Variants in GTF2F2 observed in about 807,000 individuals in gnomAD.
GTF2F2 encodes general transcription factor IIF subunit 2, also known as ATP-dependent helicase GTF2F2.
Under a neutral mutation model 42.2 loss-of-function variants are expected in GTF2F2, and 23 were observed. The observed-to-expected ratio is 0.55, with a 90% CI of 0.39 to 0.77. The LOEUF is 0.77. Ranked by LOEUF, GTF2F2 falls within the 30% of genes least tolerant of loss-of-function variation. The pLI is 0.00. For missense variants in GTF2F2, 261 were observed against 287.2 expected (o/e 0.91, Z 0.66); for synonymous variants, 105 against 100.8 (o/e 1.04, Z -0.25).
chr13:45,167,788 C>T lies in GTF2F2; in HGVS notation c.304+15957C>T, dbSNP rs187999246. On this transcript the variant is annotated intron_variant, in intron 4 of 7. Coordinates refer to ENST00000340473, the MANE Select transcript of GTF2F2 (RefSeq NM_004128.3). ...AACTCCTGACCTCAAGTGATCCTCC[C>T]ACCTCAGGCCTCCCAAACCTCCCAA... Among the ~76,000 whole-genome samples, 129 of 152,184 alleles carry T rather than the reference C, an allele frequency of 8.5e-4. 3 individuals carry two copies. The East Asian group carries it at 0.019, about 22-fold the overall frequency.
chr13:45,145,179 C>T (rs1870132636), intron 2 of GTF2F2, among the ~76,000 whole-genome samples: 1 of 152,178 alleles, frequency 6.6e-6, no homozygotes, highest in South Asian at 2.1e-4. Context: ...TTCTTTCATT[C>T]CATCAACTGC....
intron 1 of GTF2F2, among the ~76,000 whole-genome samples, chr13:45,130,246 A>T (rs1359281444): frequency 6.6e-6 from 1 of 152,198 alleles, no homozygotes; most frequent in Non-Finnish European, 1.5e-5. Flanking sequence ...TGATTGTGAG[A>T]CTTTGGGCAA....
At chr13:45,242,464 C>G (rs940802605) in intron 5 of GTF2F2, among the ~76,000 whole-genome samples, 1 of 151,928 alleles carries the variant, frequency 6.6e-6, no homozygotes, top group Non-Finnish European at 1.5e-5. Context: ...TTTGTAGAAC[C>G]TATCCTTTAA....
In GTF2F2 at chr13:45,249,319, C is replaced by G. The variant is rs186042748; in HGVS notation, c.387-3552C>G. 3.3e-5 allele frequency among the ~76,000 whole-genome samples: 5 copies of G among 151,836 alleles called. 1 individual carries two copies. The highest frequency in any genetic ancestry group is 3.3e-4 in the Admixed American group (5 of 15,252). ...AAGTTGTCCTCTTTTAATTAAAACC[C>G]TTGTGGTTGCCTTTTAAATGTATGA... is the stretch of plus-strand genomic sequence containing the variant. On this transcript the variant is annotated intron_variant, in intron 5 of 7. Transcript: ENST00000340473.
chr13:45,213,908 A>T (rs1873794409), intron 5 of GTF2F2, among the ~76,000 whole-genome samples: 1 of 152,234 alleles, frequency 6.6e-6, no homozygotes, highest in Non-Finnish European at 1.5e-5. Context: ...CAAAATAAAT[A>T]TAAAAACATT....
rs1384890497 is a variant in GTF2F2 at position 45,124,772 on chromosome 13, GC to G, written c.66+4053del. On this transcript the variant is annotated intron_variant, in intron 1 of 7. Coordinates refer to ENST00000340473, the MANE Select transcript of GTF2F2 (RefSeq NM_004128.3). The stretch of plus-strand genomic sequence containing the variant: ...GTAGAGATGGGGTTTCACCATGTTG[GC>G]CAGGATGGTCTTGAACAGCTGACCT... Among the ~76,000 whole-genome samples the G allele has an allele frequency of 2.0e-5, 3 of 152,154 alleles. No homozygotes were observed. The East Asian group carries it at 5.8e-4, about 30-fold the overall frequency.
Position 45,228,283 on chromosome 13 carries a change from C to CTTTTTTTTTTTTTTTTTTTTTT in GTF2F2, c.386+20794_386+20795insTTTTTTTTTTTTTTTTTTTTTT, listed in dbSNP as rs372901327. 6.5e-4 allele frequency among the ~76,000 whole-genome samples: 60 copies of CTTTTTTTTTTTTTTTTTTTTTT among 92,710 alleles called. 6 individuals are homozygous for CTTTTTTTTTTTTTTTTTTTTTT. Among genetic ancestry groups the CTTTTTTTTTTTTTTTTTTTTTT allele is most frequent in the African/African-American group, 2.7e-3 (47 of 17,634 alleles). The allele number at this position is 92,710 out of a possible 152,430, so 60.8% of individuals were successfully genotyped here. A position where few individuals can be genotyped will look rare whatever the true frequency, so the allele number is the denominator to read the frequency against. ...TTTCCTTATTGCTGCCAGAGTTAAT[C>CTTTTTTTTTTTTTTTTTTTTTT]TTTTTTTTTTTTTTTTGGAGACGGA... On this transcript the variant is annotated intron_variant, in intron 5 of 7. Coordinates refer to ENST00000340473, the MANE Select transcript of GTF2F2 (RefSeq NM_004128.3).
chr13:45,211,300 CTAATT>C (rs1407086536), intron 5 of GTF2F2, among the ~76,000 whole-genome samples: 1 of 150,380 alleles, frequency 6.6e-6, no homozygotes, highest in African/African-American at 2.4e-5. Flanking sequence ...AAATAGCAAA[CTAATT>C]TAAGTCATGA....
intron 6 of GTF2F2, 45 bp downstream of exon 6, chr13:45,253,015 C>CT: frequency 1.2e-6 from 1 of 818,372 alleles, no homozygotes; most frequent in East Asian, 2.9e-5. Flanking sequence ...TATCTTCATT[C>CT]TTTTCTGTAT....
chr13:45,216,813 C>T (rs562067003), intron 5 of GTF2F2, among the ~76,000 whole-genome samples: 35 of 152,102 alleles, frequency 2.3e-4, no homozygotes, highest in African/African-American at 7.5e-4. Flanking sequence ...ACCACCGCGC[C>T]GGCCCAAAGT....
rs559573216 is a variant in GTF2F2 at position 45,276,507 on chromosome 13, G to A, written c.631-6935G>A. 2.8e-4 allele frequency among the ~76,000 whole-genome samples: 42 copies of A among 151,886 alleles called. 1 individual carries two copies. The highest frequency in any genetic ancestry group is 2.5e-3 in the Admixed American group (38 of 15,268). On this transcript the variant is annotated intron_variant, in intron 7 of 7. Transcript: ENST00000340473. ...CCTGGGGTGCAATGGCATGATCTCG[G>A]CTCACTGCAACCTCTGCCTCCCGAG... is the stretch of plus-strand genomic sequence containing the variant.
chr13:45,264,649 G>T (rs1245155348), intron 6 of GTF2F2, among the ~76,000 whole-genome samples: 1 of 152,070 alleles, frequency 6.6e-6, no homozygotes, highest in African/African-American at 2.4e-5. Flanking sequence ...AACTTAATCC[G>T]ACCCTTACTC....
At chr13:45,239,172 T>C (rs1875154689) in intron 5 of GTF2F2, among the ~76,000 whole-genome samples, 1 of 152,158 alleles carries the variant, frequency 6.6e-6, no homozygotes, top group African/African-American at 2.4e-5. Context: ...AGAGTGCTGG[T>C]GACTTAGAAG....
chr13:45,213,082 T>C (rs1395434432), intron 5 of GTF2F2, among the ~76,000 whole-genome samples: 1 of 148,646 alleles, frequency 6.7e-6, no homozygotes. Flanking sequence ...TTATTCTTCT[T>C]CTTATTATTT....
chr13:45,226,058 G>GAA lies in GTF2F2; in HGVS notation c.386+18564_386+18565dup, dbSNP rs556429871. 6.8e-4 allele frequency among the ~76,000 whole-genome samples: 96 copies of GAA among 142,222 alleles called. 1 individual carries two copies. Among genetic ancestry groups the GAA allele is most frequent in the African/African-American group, 2.1e-3 (83 of 39,510 alleles). 93.3% of individuals were successfully genotyped at this position (142,222 alleles called of 152,430 possible). The stretch of plus-strand genomic sequence containing the variant: ...GTAAAATAAATGGTGATTATATCCG[G>GAA]AAAAAAAAAAAAGCAATGTCATAGA... On this transcript the variant is annotated intron_variant, in intron 5 of 7. Coordinates refer to ENST00000340473, the MANE Select transcript of GTF2F2 (RefSeq NM_004128.3).
Position 45,276,302 on chromosome 13 carries a change from G to A in GTF2F2, c.631-7140G>A, listed in dbSNP as rs575623601. Among the ~76,000 whole-genome samples, 13 of 152,208 alleles carry A rather than the reference G, an allele frequency of 8.5e-5. No homozygotes were observed. The South Asian group carries it at 1.0e-3, about 12-fold the overall frequency. On this transcript the variant is annotated intron_variant, in intron 7 of 7. Coordinates refer to ENST00000340473, the MANE Select transcript of GTF2F2 (RefSeq NM_004128.3). ...GGTTGGACATTTGCATTGTTTCTAC[G>A]TTGGGACTATTATGAATAAGGCTGC... is the stretch of plus-strand genomic sequence containing the variant.
At chr13:45,241,184 A>AATATATATATATATATATAT (rs71697631) in intron 5 of GTF2F2, among the ~76,000 whole-genome samples, 2 of 143,886 alleles carry the variant, frequency 1.4e-5, no homozygotes, top group African/African-American at 5.1e-5. Context: ...ATAAATATAA[A>AATATATATATATATATATAT]ATATATATAT....
At chr13:45,235,475 C>CTT (rs921950407) in intron 5 of GTF2F2, among the ~76,000 whole-genome samples, 1 of 145,192 alleles carries the variant, frequency 6.9e-6, no homozygotes, top group East Asian at 2.0e-4. Flanking sequence ...AGGCACTTAT[C>CTT]TTTTTTTTTT....
At chr13:45,226,600 AT>A (rs1319685209) in intron 5 of GTF2F2, among the ~76,000 whole-genome samples, 1 of 151,982 alleles carries the variant, frequency 6.6e-6, no homozygotes, top group African/African-American at 2.4e-5. Flanking sequence ...GTTTTTCTTA[AT>A]TCTTCTTACC....
Sources: allele counts gnomAD v4.1 joint callset (sites outside exome capture counted in the v4.1 genomes callset), GRCh38; gene constraint gnomAD v4.1.1; transcripts MANE v1.5; gene names NCBI Gene and HGNC (gene_info 2026-07-23, HGNC 2026-07-21).